Variants in ZFPM2 observed in about 807,000 individuals in gnomAD.
The protein encoded by ZFPM2 is zinc finger protein, FOG family member 2.
ZFPM2 carries 20 observed loss-of-function variants against 98.6 expected under a neutral mutation model. That is an observed-to-expected ratio of 0.20 (90% CI 0.14 to 0.29). The LOEUF (loss-of-function observed/expected upper bound fraction) is 0.29. Among genes scored for constraint, ZFPM2 ranks in the 10% least tolerant of loss-of-function variants. The probability of loss-of-function intolerance (pLI) is 1.00; values close to 1 mark genes in which losing one functional copy is unlikely to be tolerated. For synonymous variants in ZFPM2, 518 were observed against 502.7 expected (o/e 1.03, Z -0.41); for missense variants, 1,310 against 1,388.6 (o/e 0.94, Z 0.90).
intron 5 of ZFPM2, among the ~76,000 whole-genome samples, chr8:105,665,232 G>A (rs1435694995): frequency 6.6e-6 from 1 of 152,068 alleles, no homozygotes; most frequent in East Asian, 1.9e-4. Context: ...TCCTTCATGA[G>A]GGTGGTGCCT....
chr8:105,667,136 G>C (rs572854767), intron 5 of ZFPM2, among the ~76,000 whole-genome samples: 2 of 152,224 alleles, frequency 1.3e-5, no homozygotes, highest in African/African-American at 4.8e-5. Flanking sequence ...ATGAAAAGAA[G>C]CCTATCGCTT....
chr8:105,804,067 A>G lies in ZFPM2; in HGVS notation c.*529A>G, dbSNP rs1814130452. On this transcript the variant is annotated 3_prime_UTR_variant, in exon 8 of 8. Coordinates refer to ENST00000407775, the MANE Select transcript of ZFPM2 (RefSeq NM_012082.4). The stretch of plus-strand genomic sequence containing the variant: ...TAATCAGGCTCTGTTTGCACTTTAT[A>G]TTTTAGCAGATACAGTCTCTTAGTC... 1.3e-5 allele frequency: 2 copies of G among 154,082 alleles called. No homozygotes were observed. Among genetic ancestry groups the G allele is most frequent in the South Asian group, 2.0e-4 (1 of 4,924 alleles). The allele number at this position is 154,082 out of a possible 1,614,324, so 9.5% of individuals were successfully genotyped here. A position where few individuals can be genotyped will look rare whatever the true frequency, so the allele number is the denominator to read the frequency against.
rs117734982 is a variant in ZFPM2 at position 105,563,255 on chromosome 8, C to T, written c.420+1774C>T. ...AAAGAAATTGATACATGTGGATCTC[C>T]GTTTATTCAGTACCATGTGGATGTG... On this transcript the variant is annotated intron_variant, in intron 4 of 7. Coordinates refer to ENST00000407775, the MANE Select transcript of ZFPM2 (RefSeq NM_012082.4). Among the ~76,000 whole-genome samples, 87 of 151,852 alleles carry T rather than the reference C, an allele frequency of 5.7e-4. 1 individual carries two copies. The East Asian group carries it at 0.016, about 28-fold the overall frequency.
intron 5 of ZFPM2, among the ~76,000 whole-genome samples, chr8:105,691,358 C>G (rs1397386833): frequency 7.1e-6 from 1 of 140,700 alleles, no homozygotes; most frequent in Non-Finnish European, 1.5e-5. Context: ...ACGCCATTCT[C>G]CTGCCTCAGC....
intron 1 of ZFPM2, among the ~76,000 whole-genome samples, chr8:105,354,959 A>G (rs1586312356): frequency 6.6e-6 from 1 of 152,134 alleles, no homozygotes; most frequent in East Asian, 1.9e-4. Flanking sequence ...GTCTCAAAAG[A>G]AAAAAAAGAA....
Position 105,803,537 on chromosome 8 carries a change from G to A in ZFPM2, c.3455G>A (p.Ter1152=). 1 of 1,603,604 alleles carries A rather than the reference G, an allele frequency of 6.2e-7. No individual in the cohort carries two copies. Among genetic ancestry groups the A allele is most frequent in the Non-Finnish European group, 8.5e-7 (1 of 1,174,382 alleles). ...TCACATGCAGCAGAACATGTCAAAT[G>A]AACTAACTAAACATCAGTCACCTTT... The part of the protein sequence containing the change: ...CSSHAAEHVK[*] The change falls in exon 8 of 8, where the codon TGA becomes TAA. Residue 1152 remains the stop codon, a stop_retained_variant. Transcript: ENST00000407775.
At chr8:105,688,637 A>G (rs1326938421) in intron 5 of ZFPM2, among the ~76,000 whole-genome samples, 1 of 152,150 alleles carries the variant, frequency 6.6e-6, no homozygotes, top group Non-Finnish European at 1.5e-5. Flanking sequence ...ATGATAGCAC[A>G]GGAAATCCTT....
At chr8:105,507,718 G>A (rs1430803537) in intron 3 of ZFPM2, among the ~76,000 whole-genome samples, 2 of 152,100 alleles carry the variant, frequency 1.3e-5, no homozygotes, top group Non-Finnish European at 1.5e-5. Context: ...GTGCAAAAAC[G>A]GCCCAACCAA....
intron 3 of ZFPM2, among the ~76,000 whole-genome samples, chr8:105,509,403 CTGT>C (rs1359158949): frequency 2.0e-5 from 3 of 152,136 alleles, no homozygotes; most frequent in African/African-American, 7.2e-5. Context: ...AGATCGGTAG[CTGT>C]TGACCTTTCA....
chr8:105,678,278 A>G (rs777648554), intron 5 of ZFPM2, among the ~76,000 whole-genome samples: 45 of 152,310 alleles, frequency 3.0e-4, no homozygotes, highest in Middle Eastern at 3.4e-3. Flanking sequence ...CATGGAATCT[A>G]TCTAATCAGC....
At chr8:105,558,929 A>G (rs1304906309) in intron 3 of ZFPM2, among the ~76,000 whole-genome samples, 1 of 152,170 alleles carries the variant, frequency 6.6e-6, no homozygotes, top group East Asian at 1.9e-4. Flanking sequence ...GGTTGAAAAA[A>G]ATACTGAGAA....
chr8:105,627,936 A>G (rs1272563481), intron 4 of ZFPM2, among the ~76,000 whole-genome samples: 3 of 152,230 alleles, frequency 2.0e-5, no homozygotes, highest in African/African-American at 7.2e-5. Context: ...GATAATAAAA[A>G]GTTTTTGTCT....
At chr8:105,411,988 G>A (rs564179898) in intron 1 of ZFPM2, among the ~76,000 whole-genome samples, 6 of 151,842 alleles carry the variant, frequency 4.0e-5, no homozygotes, top group Admixed American at 6.6e-5. Flanking sequence ...TTGTTTTCTT[G>A]TTAGCATCAT....
chr8:105,610,812 G>A (rs1816294995), intron 4 of ZFPM2, among the ~76,000 whole-genome samples: 1 of 152,178 alleles, frequency 6.6e-6, no homozygotes, highest in Non-Finnish European at 1.5e-5. Flanking sequence ...CACCTGGAGA[G>A]ACAGATTTCC....
chr8:105,424,907 T>C (rs977655042), intron 2 of ZFPM2, among the ~76,000 whole-genome samples: 2 of 152,056 alleles, frequency 1.3e-5, no homozygotes, highest in African/African-American at 4.8e-5. Context: ...AGATAGAGGA[T>C]CATGAGGAAA....
chr8:105,670,207 C>G (rs1220770085), intron 5 of ZFPM2, among the ~76,000 whole-genome samples: 1 of 152,048 alleles, frequency 6.6e-6, no homozygotes, highest in Non-Finnish European at 1.5e-5. Flanking sequence ...AGATTAAGAG[C>G]TGAAACTGGC....
At chr8:105,381,944 T>C (rs1369011410) in intron 1 of ZFPM2, among the ~76,000 whole-genome samples, 1 of 152,136 alleles carries the variant, frequency 6.6e-6, no homozygotes, top group Non-Finnish European at 1.5e-5. Context: ...TGGTAGACTT[T>C]CTGTTAAGTG....
chr8:105,573,032 G>A (rs1277362589), intron 4 of ZFPM2, among the ~76,000 whole-genome samples: 2 of 152,108 alleles, frequency 1.3e-5, no homozygotes. Context: ...CAGGCATAAT[G>A]TCTCCCACAA....
In ZFPM2 at chr8:105,801,385, G is replaced by C. The variant is rs1814007380; in HGVS notation, c.1303G>C (p.Asp435His). The change falls in exon 8 of 8, where the codon GAC (aspartate) becomes CAC (histidine). Residue 435 changes from aspartate to histidine, a missense_variant. Physicochemically the swap from Asp to His is moderately conservative, Grantham distance 81. Transcript: ENST00000407775. ...CATGCAGACTAAAGATGCGAGCTCT[G>C]ACACAGAGCTGGACAAGTGTGAGAA... is the stretch of plus-strand genomic sequence containing the variant. Reference protein sequence around the residue: ...KAMQTKDASSDTELDKCEKKT... With the variant: ...KAMQTKDASSHTELDKCEKKT... 1.2e-6 allele frequency: 2 copies of C among 1,613,870 alleles called. No homozygotes were observed. The highest frequency in any genetic ancestry group is 1.7e-6 in the Non-Finnish European group (2 of 1,179,862).
Sources: allele counts gnomAD v4.1 joint callset (sites outside exome capture counted in the v4.1 genomes callset), GRCh38; gene constraint gnomAD v4.1.1; transcripts MANE v1.5; gene names NCBI Gene and HGNC (gene_info 2026-07-23, HGNC 2026-07-21).